The following SPPL2A variants were observed in gnomAD, a reference collection of about 807,000 sequenced individuals.
The protein encoded by SPPL2A is signal peptide peptidase like 2A.
A neutral mutation model predicts 63.8 loss-of-function variants in SPPL2A; 51 were observed. That is an observed-to-expected ratio of 0.80 (90% CI 0.64 to 1.01). The LOEUF (loss-of-function observed/expected upper bound fraction) is 1.01, where lower values mean the gene tolerates loss of function less well. SPPL2A is among the 50% of genes least tolerant of loss of function. The pLI, the probability that SPPL2A is intolerant of heterozygous loss-of-function variation, is 0.00. For synonymous variants in SPPL2A, 188 were observed against 205.8 expected, an observed-to-expected ratio of 0.91 and a Z score of 0.74; for missense variants, 553 against 622.7, an observed-to-expected ratio of 0.89 and a Z score of 1.19.
chr15:50,764,219 T>C (rs2063038098), intron 1 of SPPL2A, among the ~76,000 whole-genome samples: 2 of 152,248 alleles, frequency 1.3e-5, no homozygotes, highest in African/African-American at 4.8e-5. Flanking sequence ...AAGTTTTATA[T>C]CTAGGTTATA....
At chr15:50,725,448 C>A (rs1472170723) in intron 11 of SPPL2A, 125 bp from the exon 12 acceptor site, 2 of 622,502 alleles carry the variant, frequency 3.2e-6, no homozygotes, top group Admixed American at 6.0e-5. Flanking sequence ...GAGACAGAGT[C>A]TCGCTCTGTC....
intron 7 of SPPL2A, 54 bp from the exon 8 acceptor site, chr15:50,736,256 G>A (rs2062770662): frequency 9.7e-7 from 1 of 1,029,524 alleles, no homozygotes; most frequent in African/African-American, 1.6e-5. Flanking sequence ...ATGTTCACTT[G>A]ATATAAGAAG....
intron 10 of SPPL2A, among the ~76,000 whole-genome samples, chr15:50,727,115 T>C (rs2062693395): frequency 6.6e-6 from 1 of 152,216 alleles, no homozygotes; most frequent in Non-Finnish European, 1.5e-5. Context: ...GAAAACATTG[T>C]GAGGCAGCAA....
At chr15:50,747,846 T>C (rs1282363428) in intron 4 of SPPL2A, among the ~76,000 whole-genome samples, 1 of 152,178 alleles carries the variant, frequency 6.6e-6, no homozygotes, top group Non-Finnish European at 1.5e-5. Context: ...TACACAATCA[T>C]ATTTTGTTCA....
At chr15:50,731,223 TTA>T (rs2062728262) in intron 9 of SPPL2A, among the ~76,000 whole-genome samples, 184 bp from the exon 10 acceptor site, 1 of 152,242 alleles carries the variant, frequency 6.6e-6, no homozygotes, top group African/African-American at 2.4e-5. Context: ...CTTCTTTATC[TTA>T]TTTTTTTAAA....
Position 50,725,343 on chromosome 15 carries a change from A to T in SPPL2A, c.1147-20T>A. 8.1e-7 allele frequency: 1 copy of T among 1,233,930 alleles called. No individual in the cohort carries two copies. The highest frequency in any genetic ancestry group is 1.2e-6 in the Non-Finnish European group (1 of 859,034). The allele number at this position is 1,233,930 out of a possible 1,614,324, so 76.4% of individuals were successfully genotyped here. On this transcript the variant is annotated intron_variant, in intron 11 of 14. Coordinates refer to ENST00000261854, the MANE Select transcript of SPPL2A (RefSeq NM_032802.4). ...TGGCAACTGTTCAAAAACAAAACAAAACAAAACAAAACAAAACAAAAAACA... is the reference window on the plus strand; with the variant it reads ...TGGCAACTGTTCAAAAACAAAACAATACAAAACAAAACAAAACAAAAAACA...
intron 12 of SPPL2A, among the ~76,000 whole-genome samples, chr15:50,724,440 C>A (rs1480266947): frequency 6.6e-6 from 1 of 151,900 alleles, no homozygotes; most frequent in Non-Finnish European, 1.5e-5. Flanking sequence ...TAGCCAGGTG[C>A]GGTGGCAGGC....
In SPPL2A at chr15:50,739,685, C is replaced by A; in HGVS notation, c.728G>T (p.Trp243Leu). The A allele has an allele frequency of 6.4e-7, 1 of 1,563,330 alleles. No homozygotes were observed. Residue 243 changes from tryptophan to leucine, a missense_variant, in exon 6 of 15, where the codon TGG becomes TTG. By Grantham distance (61) the Trp-to-Leu change is moderately conservative. Coordinates refer to ENST00000261854, the MANE Select transcript of SPPL2A (RefSeq NM_032802.4). ...MMVLLYFFYK[W>L]LVYVMIAIFC... ...CATAAAATATGACTTCTTACCCAAC[C>A]ATTTGTAGAAGAAATAAAGTAAGAC...
chr15:50,731,066 G>A, intron 9 of SPPL2A, 27 bp from the exon 10 acceptor site: 3 of 1,022,070 alleles, frequency 2.9e-6, no homozygotes, highest in South Asian at 1.4e-5. Context: ...CAAAATTAAA[G>A]GTCAATCTTC....
intron 14 of SPPL2A, among the ~76,000 whole-genome samples, chr15:50,708,221 T>C (rs965321413): frequency 2.0e-5 from 3 of 152,188 alleles, no homozygotes. Flanking sequence ...TTCCAGGCAG[T>C]GTCCAATCAT....
Position 50,719,705 on chromosome 15 carries a change from C to T in SPPL2A, c.1488+235G>A, listed in dbSNP as rs984553498. Among the ~76,000 whole-genome samples, 8 of 149,270 alleles carry T rather than the reference C, an allele frequency of 5.4e-5. No homozygotes were observed. The South Asian group carries it at 1.7e-3, about 32-fold the overall frequency. The stretch of plus-strand genomic sequence containing the variant: ...ACATGTTGAAATGCTATTTTGTTTT[C>T]CCTGATGTCCTCTGCTGTTTTTTTT... On this transcript the variant is annotated intron_variant, in intron 14 of 14. Coordinates refer to ENST00000261854, the MANE Select transcript of SPPL2A (RefSeq NM_032802.4).
chr15:50,735,544 TACACACACACAC>T (rs59560616), intron 8 of SPPL2A, among the ~76,000 whole-genome samples: 1 of 149,490 alleles, frequency 6.7e-6, no homozygotes, highest in African/African-American at 2.5e-5. Context: ...CATATATACA[TACACACACACAC>T]ACACACACAC....
chr15:50,745,181 C>T (rs977341886), intron 5 of SPPL2A, among the ~76,000 whole-genome samples: 2 of 152,048 alleles, frequency 1.3e-5, no homozygotes, highest in Non-Finnish European at 2.9e-5. Flanking sequence ...GATGGAGTTT[C>T]GCTCTGTCAC....
At chr15:50,749,844 T>G in intron 1 of SPPL2A, 98 bp from the exon 2 acceptor site, 1 of 736,806 alleles carries the variant, frequency 1.4e-6, no homozygotes, top group Non-Finnish European at 2.4e-6. Context: ...TGATCACATT[T>G]CCTTGAGAGG....
At chr15:50,721,005 T>A (rs1006972564) in intron 13 of SPPL2A, among the ~76,000 whole-genome samples, 8 of 152,122 alleles carry the variant, frequency 5.3e-5, no homozygotes, top group African/African-American at 1.7e-4. Flanking sequence ...GATACTAATA[T>A]GTTAAAGCCC....
intron 2 of SPPL2A, 87 bp downstream of exon 2, chr15:50,749,549 G>C (rs2062889552): frequency 1.2e-6 from 1 of 856,764 alleles, no homozygotes; most frequent in African/African-American, 1.7e-5. Flanking sequence ...GCCTCCCAAA[G>C]TGCTGGGATT....
intron 5 of SPPL2A, among the ~76,000 whole-genome samples, chr15:50,740,319 T>C (rs1392842876): frequency 1.4e-5 from 2 of 147,772 alleles, no homozygotes; most frequent in Non-Finnish European, 3.0e-5. Flanking sequence ...CTCAGCTACT[T>C]GGGAGGCTGA....
At chr15:50,726,807 T>C (rs2062691426) in intron 10 of SPPL2A, among the ~76,000 whole-genome samples, 1 of 152,218 alleles carries the variant, frequency 6.6e-6, no homozygotes, top group African/African-American at 2.4e-5. Context: ...TACACTTAGC[T>C]TTGTAAAAAA....
chr15:50,713,593 T>G (rs564757328), intron 14 of SPPL2A, among the ~76,000 whole-genome samples: 1 of 152,084 alleles, frequency 6.6e-6, no homozygotes, highest in East Asian at 1.9e-4. Flanking sequence ...TTTAACATCC[T>G]GCAAGTTGCC....
Sources: gnomAD v4.1 joint callset for allele counts (sites outside exome capture counted in the v4.1 genomes callset) on GRCh38, gnomAD v4.1.1 for gene constraint, MANE v1.5 for transcripts, NCBI Gene and HGNC (gene_info 2026-07-23, HGNC 2026-07-21) for gene names.